PTPRD: variants seen among roughly 807,000 people sequenced by gnomAD.
PTPRD encodes receptor-type tyrosine-protein phosphatase delta.
In PTPRD, 34 loss-of-function variants were observed where a neutral mutation model predicts 214.5. That is an observed-to-expected ratio of 0.16 (90% CI 0.12 to 0.21). PTPRD has a LOEUF of 0.21. PTPRD is among the 10% of genes least tolerant of loss of function. The pLI is 1.00. For synonymous variants in PTPRD, 1,128 were observed against 845.7 expected, an observed-to-expected ratio of 1.33 and a Z score of -5.79; for missense variants, 2,545 against 2,398.7, an observed-to-expected ratio of 1.06 and a Z score of -1.27.
chr9:8,897,510 T>A (rs2098629332), intron 11 of PTPRD, among the ~76,000 whole-genome samples: 1 of 152,132 alleles, frequency 6.6e-6, no homozygotes, highest in African/African-American at 2.4e-5. Flanking sequence ...TGTGGAAGAT[T>A]TTGAACCTGG....
intron 3 of PTPRD, among the ~76,000 whole-genome samples, chr9:10,155,258 G>C (rs1159661536): frequency 6.6e-6 from 1 of 151,858 alleles, no homozygotes; most frequent in Non-Finnish European, 1.5e-5. Context: ...GACGGTTATT[G>C]GCATATTGGA....
intron 3 of PTPRD, among the ~76,000 whole-genome samples, chr9:10,086,614 G>T (rs1226860194): frequency 6.6e-6 from 1 of 151,776 alleles, no homozygotes; most frequent in Non-Finnish European, 1.5e-5. Context: ...TCCTGATTGT[G>T]AGGATTAAGG....
chr9:9,161,853 C>A (rs1264494341), intron 10 of PTPRD, among the ~76,000 whole-genome samples: 2 of 138,686 alleles, frequency 1.4e-5, no homozygotes, highest in Admixed American at 7.0e-5. Context: ...GCATAAGCTA[C>A]ACATATATAT....
intron 3 of PTPRD, among the ~76,000 whole-genome samples, chr9:10,183,071 G>A (rs1022866265): frequency 4.6e-5 from 7 of 152,078 alleles, no homozygotes; most frequent in Admixed American, 1.3e-4. Flanking sequence ...TAAGAATAAT[G>A]CTATTTTCTT....
chr9:8,419,780 T>C (rs1468418429), intron 35 of PTPRD, among the ~76,000 whole-genome samples: 1 of 152,058 alleles, frequency 6.6e-6, no homozygotes, highest in Non-Finnish European at 1.5e-5. Context: ...GGAAGCATAA[T>C]AGAGAACAAA....
At chr9:9,540,010 C>A (rs888345936) in intron 8 of PTPRD, among the ~76,000 whole-genome samples, 1 of 151,722 alleles carries the variant, frequency 6.6e-6, no homozygotes, top group African/African-American at 2.4e-5. Context: ...TGAAATTCTT[C>A]CTAGGGAAGT....
chr9:8,585,581 C>T (rs563151663), intron 14 of PTPRD, among the ~76,000 whole-genome samples: 1 of 152,144 alleles, frequency 6.6e-6, no homozygotes, highest in Non-Finnish European at 1.5e-5. Context: ...CTGTACCATA[C>T]CAACCACCAT....
intron 43 of PTPRD, among the ~76,000 whole-genome samples, chr9:8,333,255 A>T (rs1271665017): frequency 6.6e-6 from 1 of 152,186 alleles, no homozygotes; most frequent in Non-Finnish European, 1.5e-5. Context: ...AAGGAGACCC[A>T]GAAGCTAGGT....
At chr9:9,230,369 G>A (rs558904285) in intron 9 of PTPRD, among the ~76,000 whole-genome samples, 1 of 152,222 alleles carries the variant, frequency 6.6e-6, no homozygotes, top group South Asian at 2.1e-4. Context: ...TACCCAGGTA[G>A]GATATGCCCC....
Position 9,017,910 on chromosome 9 carries a change from G to A in PTPRD, c.-104+787C>T, listed in dbSNP as rs190518468. 5.3e-5 allele frequency among the ~76,000 whole-genome samples: 8 copies of A among 151,688 alleles called. No individual in the cohort carries two copies. The South Asian group carries it at 6.3e-4, about 12-fold the overall frequency. On this transcript the variant is annotated intron_variant, in intron 11 of 45. Transcript: ENST00000381196. Reference sequence around the variant, plus strand: ...TCTTAGGCACTATTTATTGAATATCGTGTCTCTATATTTAGTTTCCAGTCT... The same window carrying A: ...TCTTAGGCACTATTTATTGAATATCATGTCTCTATATTTAGTTTCCAGTCT...
At chr9:10,212,548 C>T (rs1054140866) in intron 3 of PTPRD, among the ~76,000 whole-genome samples, 6 of 152,050 alleles carry the variant, frequency 3.9e-5, no homozygotes, top group African/African-American at 1.4e-4. Context: ...ATAAGAATGA[C>T]ATCCTATAGT....
intron 9 of PTPRD, among the ~76,000 whole-genome samples, chr9:9,365,741 C>T (rs555992077): frequency 6.6e-6 from 1 of 151,478 alleles, no homozygotes; most frequent in South Asian, 2.1e-4. Flanking sequence ...TGTGTGCTGT[C>T]GACCTACAGC....
chr9:9,849,132 A>G (rs1309571489), intron 5 of PTPRD, among the ~76,000 whole-genome samples: 1 of 151,876 alleles, frequency 6.6e-6, no homozygotes, highest in Non-Finnish European at 1.5e-5. Flanking sequence ...AAAGTTGTTG[A>G]TTTACTTTCC....
chr9:10,232,336 T>C (rs1295789221), intron 3 of PTPRD, among the ~76,000 whole-genome samples: 3 of 151,956 alleles, frequency 2.0e-5, no homozygotes, highest in Non-Finnish European at 4.4e-5. Flanking sequence ...TATACTCTCC[T>C]CTAAAACATT....
At chr9:9,754,384 G>T (rs959099183) in intron 6 of PTPRD, among the ~76,000 whole-genome samples, 6 of 151,990 alleles carry the variant, frequency 3.9e-5, no homozygotes, top group Admixed American at 3.9e-4. Context: ...TACTGTTCAA[G>T]GAGCAAGGAG....
At position 9,838,059 on chromosome 9, in the gene PTPRD, A is replaced by G. The variant is rs528616507; in HGVS notation, c.-367-71208T>C. Reference sequence around the variant, plus strand: ...TTGCGATAGTTTACTGAGAATGATGATTTCCAGTTTCATCCATGTCCCTAC... The same window carrying G: ...TTGCGATAGTTTACTGAGAATGATGGTTTCCAGTTTCATCCATGTCCCTAC... On this transcript the variant is annotated intron_variant, in intron 5 of 45. Coordinates refer to ENST00000381196, the MANE Select transcript of PTPRD (RefSeq NM_002839.4). Among the ~76,000 whole-genome samples, 4 of 152,166 alleles carry G rather than the reference A, an allele frequency of 2.6e-5. No homozygotes were observed. The East Asian group carries it at 7.8e-4, about 30-fold the overall frequency.
intron 9 of PTPRD, among the ~76,000 whole-genome samples, chr9:9,342,789 C>A (rs756570880): frequency 2.8e-4 from 43 of 152,016 alleles, no homozygotes; most frequent in South Asian, 6.2e-4. Flanking sequence ...TATACACGTG[C>A]CATGGTGGTT....
intron 9 of PTPRD, among the ~76,000 whole-genome samples, chr9:9,195,190 C>T (rs911111225): frequency 2.0e-5 from 3 of 151,154 alleles, no homozygotes; most frequent in Non-Finnish European, 2.9e-5. Context: ...TGTTAGCCCT[C>T]AAAGCTATGA....
chr9:8,389,486 G>C (rs1454631998), intron 36 of PTPRD, 79 bp from the exon 37 acceptor site: 1 of 1,076,138 alleles, frequency 9.3e-7, no homozygotes, highest in South Asian at 1.7e-5. Flanking sequence ...TAATGGCAGT[G>C]CTATCTTACT....
Sources: gnomAD v4.1 joint callset for allele counts (sites outside exome capture counted in the v4.1 genomes callset) on GRCh38, gnomAD v4.1.1 for gene constraint, MANE v1.5 for transcripts, NCBI Gene and HGNC (gene_info 2026-07-23, HGNC 2026-07-21) for gene names.